The following CSMD1 variants were observed in gnomAD, a reference collection of about 807,000 sequenced individuals.
CSMD1 encodes CUB and Sushi multiple domains 1.
CSMD1 carries 213 observed loss-of-function variants against 417.5 expected under a neutral mutation model. The ratio of observed to expected loss-of-function variants is 0.51; its 90% CI spans 0.46 to 0.57. CSMD1 has a LOEUF of 0.57. Ranked by LOEUF, CSMD1 falls within the 20% of genes least tolerant of loss-of-function variation. The pLI is 0.00. For synonymous variants in CSMD1, 2,862 were observed against 1,736.8 expected, an observed-to-expected ratio of 1.65 and a Z score of -16.11; for missense variants, 6,923 against 4,529.7, an observed-to-expected ratio of 1.53 and a Z score of -15.17.
chr8:4,078,763 C>T (rs1013843722), intron 3 of CSMD1, among the ~76,000 whole-genome samples: 4 of 150,562 alleles, frequency 2.7e-5, no homozygotes, highest in Non-Finnish European at 5.9e-5. Flanking sequence ...AGGCCTGGCA[C>T]ACTGGCTTAC....
At chr8:4,310,995 G>T (rs1798530111) in intron 3 of CSMD1, among the ~76,000 whole-genome samples, 1 of 152,190 alleles carries the variant, frequency 6.6e-6, no homozygotes, top group South Asian at 2.1e-4. Context: ...AAAGTACAAA[G>T]ATAATAGAAA....
At chr8:3,285,807 A>G (rs1367266055) in intron 25 of CSMD1, among the ~76,000 whole-genome samples, 1 of 151,574 alleles carries the variant, frequency 6.6e-6, no homozygotes, top group African/African-American at 2.4e-5. Flanking sequence ...TTGTAATGTA[A>G]TATCCCCATT....
chr8:3,857,751 T>C (rs1265643098), intron 5 of CSMD1, among the ~76,000 whole-genome samples: 2 of 152,188 alleles, frequency 1.3e-5, no homozygotes, highest in African/African-American at 2.4e-5. Context: ...ACAGAGCTTC[T>C]ATAGGTAAAA....
intron 3 of CSMD1, among the ~76,000 whole-genome samples, chr8:4,192,580 C>A (rs920985949): frequency 6.6e-6 from 1 of 152,174 alleles, no homozygotes; most frequent in South Asian, 2.1e-4. Flanking sequence ...GTATTTTACT[C>A]TTCATCAGCT....
chr8:4,902,801 A>G (rs552134768), intron 1 of CSMD1, among the ~76,000 whole-genome samples: 2 of 152,166 alleles, frequency 1.3e-5, no homozygotes, highest in Admixed American at 1.3e-4. Flanking sequence ...TACCAGGTTC[A>G]TGTGTATCCT....
intron 10 of CSMD1, among the ~76,000 whole-genome samples, chr8:3,534,892 T>C (rs964961378): frequency 6.6e-6 from 1 of 152,202 alleles, no homozygotes; most frequent in African/African-American, 2.4e-5. Context: ...TTGGTACAAA[T>C]GGTTTAGTCC....
chr8:3,900,266 CACAGCTGCGTGACAGT>C (rs980579996), intron 5 of CSMD1, among the ~76,000 whole-genome samples: 2 of 142,708 alleles, frequency 1.4e-5, no homozygotes, highest in African/African-American at 2.7e-5. Context: ...TGGGTGACAG[CACAGCTGCGTGACAGT>C]GCAGCTGCGT....
At chr8:4,126,994 T>C (rs953934984) in intron 3 of CSMD1, among the ~76,000 whole-genome samples, 1 of 152,258 alleles carries the variant, frequency 6.6e-6, no homozygotes, top group Admixed American at 6.5e-5. Flanking sequence ...ACATTCGAGT[T>C]TGAGAGCCAC....
rs142448814 is a variant in CSMD1, at chr8:3,806,387, G to A, written c.819-52345C>T. Among the ~76,000 whole-genome samples, 432 of 152,226 alleles carry A rather than the reference G, an allele frequency of 2.8e-3. 3 individuals carry two copies. The highest frequency in any genetic ancestry group is 4.8e-3 in the African/African-American group (199 of 41,530). ...AACCAATATGCCCCTGAAGCCTGTG[G>A]GACACAAAAGCGTGTGTGAAGCCCT... is the stretch of plus-strand genomic sequence containing the variant. On this transcript the variant is annotated intron_variant, in intron 5 of 69. Transcript: ENST00000635120.
At chr8:3,306,627 C>G (rs1050910082) in intron 25 of CSMD1, among the ~76,000 whole-genome samples, 15 of 152,046 alleles carry the variant, frequency 9.9e-5, no homozygotes, top group African/African-American at 3.4e-4. Context: ...TTCTCAAAAG[C>G]AAATTTTGTA....
intron 7 of CSMD1, among the ~76,000 whole-genome samples, chr8:3,626,049 G>T (rs536357569): frequency 2.0e-5 from 3 of 152,084 alleles, no homozygotes; most frequent in Non-Finnish European, 2.9e-5. Context: ...AAAATTAATG[G>T]CACTGAACAT....
chr8:4,318,652 C>T (rs1226655259), intron 3 of CSMD1, among the ~76,000 whole-genome samples: 1 of 66,548 alleles, frequency 1.5e-5, no homozygotes, highest in Non-Finnish European at 5.3e-5. Flanking sequence ...TTTAAGACGT[C>T]ACTGATTGTT....
intron 1 of CSMD1, among the ~76,000 whole-genome samples, chr8:4,649,012 G>A (rs534624661): frequency 5.3e-5 from 8 of 152,164 alleles, no homozygotes; most frequent in Middle Eastern, 3.2e-3. Flanking sequence ...TCTATACTGC[G>A]GTTATATATT....
intron 3 of CSMD1, among the ~76,000 whole-genome samples, chr8:4,304,788 T>C (rs1376019503): frequency 6.6e-6 from 1 of 152,180 alleles, no homozygotes; most frequent in African/African-American, 2.4e-5. Flanking sequence ...AGTAACTTCA[T>C]CCTAAGCCAT....
chr8:4,698,597 A>AT (rs1239933965), intron 1 of CSMD1, among the ~76,000 whole-genome samples: 21 of 62,088 alleles, frequency 3.4e-4, no homozygotes, highest in Admixed American at 9.4e-4. Context: ...AAATGATAGA[A>AT]ATTTTTTTTT....
intron 6 of CSMD1, among the ~76,000 whole-genome samples, chr8:3,709,680 G>GTT (rs56272726): frequency 0.014 from 479 of 33,658 alleles, 77 homozygotes; most frequent in African/African-American, 0.02. Flanking sequence ...GCAGCAGCAT[G>GTT]TTTTTTTTTT....
At chr8:4,459,376 A>C (rs183919989) in intron 2 of CSMD1, among the ~76,000 whole-genome samples, 1 of 152,244 alleles carries the variant, frequency 6.6e-6, no homozygotes, top group Non-Finnish European at 1.5e-5. Flanking sequence ...TTTACTCATG[A>C]AACAAGAATG....
intron 6 of CSMD1, among the ~76,000 whole-genome samples, chr8:3,726,065 C>G (rs573820742): frequency 5.3e-5 from 8 of 152,266 alleles, no homozygotes; most frequent in African/African-American, 1.4e-4. Flanking sequence ...AAATCAACAG[C>G]CATGCCATGA....
At chr8:3,802,033 CA>C (rs914903422) in intron 5 of CSMD1, among the ~76,000 whole-genome samples, 1 of 151,994 alleles carries the variant, frequency 6.6e-6, no homozygotes, top group Admixed American at 6.6e-5. Context: ...ATGATGTAAG[CA>C]TACAAAAATT....
Sources: gnomAD v4.1 joint callset for allele counts (sites outside exome capture counted in the v4.1 genomes callset) on GRCh38, gnomAD v4.1.1 for gene constraint, MANE v1.5 for transcripts, NCBI Gene and HGNC (gene_info 2026-07-23, HGNC 2026-07-21) for gene names.